The following FBLN7 variants were observed in gnomAD, a reference collection of about 807,000 sequenced individuals.
FBLN7 encodes fibulin 7.
In FBLN7, 31 loss-of-function variants were observed where a neutral mutation model predicts 44.0. That is an observed-to-expected ratio of 0.70 (90% CI 0.53 to 0.95). The LOEUF (loss-of-function observed/expected upper bound fraction) is 0.95. Ranked by LOEUF, FBLN7 falls within the 40% of genes least tolerant of loss-of-function variation. The pLI is 0.00. For missense variants in FBLN7, 573 were observed against 618.5 expected, an observed-to-expected ratio of 0.93 and a Z score of 0.78; for synonymous variants, 262 against 253.4, an observed-to-expected ratio of 1.03 and a Z score of -0.32.
At chr2:112,213,503 G>A in the FBLN7 span, 1 of 152,006 alleles carries the variant, frequency 6.6e-6, no homozygotes, top group African/African-American at 2.4e-5. Flanking sequence ...CTGGCCGGGT[G>A]CGGTGGCCCA....
At chr2:112,153,771 T>C (rs80061845) in intron 1 of FBLN7, among the ~76,000 whole-genome samples, 1 of 152,246 alleles carries the variant, frequency 6.6e-6, no homozygotes, top group East Asian at 1.9e-4. Flanking sequence ...CAAGTGGTAG[T>C]TGGTTCTCAG....
intron 1 of FBLN7, among the ~76,000 whole-genome samples, chr2:112,145,903 G>C (rs1434606645): frequency 1.3e-5 from 2 of 152,220 alleles, no homozygotes; most frequent in African/African-American, 4.8e-5. Flanking sequence ...TAGCTTTACA[G>C]TAAGTGTTAA....
At chr2:112,159,340 G>C (rs967845523) in intron 1 of FBLN7, among the ~76,000 whole-genome samples, 2 of 152,170 alleles carry the variant, frequency 1.3e-5, no homozygotes, top group African/African-American at 2.4e-5. Context: ...CCAAGGCCCA[G>C]GGTTTTCAGA....
the FBLN7 span, chr2:112,238,240 T>C: frequency 7.1e-7 from 1 of 1,417,952 alleles, no homozygotes; most frequent in East Asian, 2.3e-5. Context: ...CAAAGAAAAA[T>C]CCTCTGTCCG....
chr2:112,160,892 T>A (rs113858761), intron 2 of FBLN7, among the ~76,000 whole-genome samples: 3 of 151,826 alleles, frequency 2.0e-5, no homozygotes, highest in African/African-American at 7.3e-5. Context: ...TGCAATACAC[T>A]GGTTCCAGTC....
chr2:112,164,781 A>G (rs1036483752), intron 2 of FBLN7, among the ~76,000 whole-genome samples: 2 of 152,242 alleles, frequency 1.3e-5, no homozygotes, highest in Admixed American at 1.3e-4. Flanking sequence ...TCTGAGCCCC[A>G]GTCTCATCAC....
At position 112,188,051 on chromosome 2, in the gene FBLN7, CAG is replaced by C. The variant is rs1429534585; in HGVS notation, c.*550_*551del. ...CATGCCTGCCTGCCTGCCTTCTCAT[CAG>C]AGAGTCACAGGAGGGCCTTAAACCC... On this transcript the variant is annotated 3_prime_UTR_variant, in exon 8 of 8. Transcript: ENST00000331203. 5 of 158,564 alleles carry C rather than the reference CAG, an allele frequency of 3.2e-5. No homozygotes were observed. Among genetic ancestry groups the C allele is most frequent in the Admixed American group, 1.2e-4 (2 of 16,032 alleles). The allele number at this position is 158,564 out of a possible 1,614,324, so 9.8% of individuals were successfully genotyped here. A position where few individuals can be genotyped will look rare whatever the true frequency, so the allele number is the denominator to read the frequency against.
At chr2:112,165,238 G>A (rs1257826245) in intron 3 of FBLN7, 67 bp downstream of exon 3, 4 of 1,537,368 alleles carry the variant, frequency 2.6e-6, no homozygotes, top group Admixed American at 3.9e-5. Context: ...TTCTTGCATA[G>A]AAAGGGTCAT....
the FBLN7 span, among the ~76,000 whole-genome samples, chr2:112,236,132 C>T: frequency 4.0e-5 from 6 of 151,824 alleles, no homozygotes; most frequent in South Asian, 2.1e-4. Context: ...GGCATGGTGG[C>T]GGGCGCCTGT....
chr2:112,158,795 G>C (rs1343323437), intron 1 of FBLN7, among the ~76,000 whole-genome samples: 1 of 151,894 alleles, frequency 6.6e-6, no homozygotes, highest in East Asian at 1.9e-4. Context: ...GGCTGGTCTC[G>C]AACTTCTGGC....
chr2:112,194,265 G>A, the FBLN7 span, among the ~76,000 whole-genome samples: 2 of 152,330 alleles, frequency 1.3e-5, no homozygotes, highest in South Asian at 2.1e-4. Context: ...TATGCAGCTC[G>A]TAAACACTTA....
the FBLN7 span, among the ~76,000 whole-genome samples, chr2:112,236,147 C>A: frequency 6.6e-6 from 1 of 151,966 alleles, no homozygotes; most frequent in African/African-American, 2.4e-5. Context: ...GCCTGTAGTC[C>A]CAGCTACTCA....
At position 112,148,492 on chromosome 2, in the gene FBLN7, AACAG is replaced by A. The variant is rs542018846; in HGVS notation, c.75+9767_75+9770del. ...ACAATGGCCCAGGCACTGGGAACAA[AACAG>A]ACAGTGATCTTGCTTTGATTTTAAG... On this transcript the variant is annotated intron_variant, in intron 1 of 7. Transcript: ENST00000331203. 1.6e-4 allele frequency among the ~76,000 whole-genome samples: 24 copies of A among 152,362 alleles called. No homozygotes were observed. The East Asian group carries it at 4.2e-3, about 27-fold the overall frequency.
chr2:112,192,972 A>G (rs1301866002), downstream of FBLN7, among the ~76,000 whole-genome samples: 1 of 152,220 alleles, frequency 6.6e-6, no homozygotes, highest in East Asian at 1.9e-4. Flanking sequence ...AAAAACGTGT[A>G]ATGTCAAAGA....
rs1683308624 is a variant in FBLN7 at position 112,187,193 on chromosome 2, C to T, written c.1007C>T (p.Thr336Ile). ...DSRPCRHLPK[T>I]ISFHYLSLPS... is the part of the protein sequence containing the mutation. ...AGGCCCTGCCGCCATCTGCCCAAGA[C>T]CATCTCCTTCCATTACCTCTCTCTG... Residue 336 changes from threonine to isoleucine, a missense_variant, in exon 8 of 8, where the codon ACC (threonine) becomes ATC (isoleucine). Physicochemically the swap from Thr to Ile is moderately conservative, Grantham distance 89 (BLOSUM62 -1). Coordinates refer to ENST00000331203, the MANE Select transcript of FBLN7 (RefSeq NM_153214.3). This position sits in a 1 kb window ranked among gnomAD's most constrained non-coding sequence, Gnocchi z 5.1. 1 of 1,613,978 alleles carries T rather than the reference C, an allele frequency of 6.2e-7. No homozygotes were observed. Among genetic ancestry groups the T allele is most frequent in the African/African-American group, 1.3e-5 (1 of 74,890 alleles).
the FBLN7 span, among the ~76,000 whole-genome samples, chr2:112,228,333 C>A: frequency 2.0e-5 from 3 of 152,044 alleles, no homozygotes; most frequent in Non-Finnish European, 2.9e-5. Flanking sequence ...GAAAGCCTGT[C>A]TCTACTAAAA....
chr2:112,168,057 G>A (rs141902600), intron 3 of FBLN7, among the ~76,000 whole-genome samples: 175 of 152,306 alleles, frequency 1.1e-3, no homozygotes, highest in Non-Finnish European at 2.2e-3. Flanking sequence ...ATGGTGCAGA[G>A]CAGACGGTCC....
the FBLN7 span, among the ~76,000 whole-genome samples, chr2:112,227,949 C>T: frequency 6.6e-6 from 1 of 152,124 alleles, no homozygotes; most frequent in South Asian, 2.1e-4. Flanking sequence ...GATCTTAAAA[C>T]TTATATGGAA....
intron 3 of FBLN7, among the ~76,000 whole-genome samples, chr2:112,171,107 G>A (rs1573810271): frequency 6.6e-6 from 1 of 152,324 alleles, no homozygotes. Flanking sequence ...AAATGGCTGT[G>A]CGACAGACAC....
Sources: gnomAD v4.1 joint callset for allele counts (sites outside exome capture counted in the v4.1 genomes callset) on GRCh38, gnomAD v4.1.1 for gene constraint, Gnocchi (gnomAD v3.1) non-coding constraint, MANE v1.5 for transcripts, NCBI Gene and HGNC (gene_info 2026-07-23, HGNC 2026-07-21) for gene names.